Variants in WDR76 observed in about 807,000 individuals in gnomAD.
The protein encoded by WDR76 is WD repeat domain 76, also known as WD repeat-containing protein 76.
Under a neutral mutation model 70.2 loss-of-function variants are expected in WDR76, and 52 were observed. The ratio of observed to expected loss-of-function variants is 0.74; its 90% CI spans 0.59 to 0.93. The LOEUF is 0.93. Ranked by LOEUF, WDR76 falls within the 40% of genes least tolerant of loss-of-function variation. WDR76 has a pLI of 0.00. For missense variants in WDR76, 756 were observed against 760.2 expected (o/e 0.99, Z 0.07); for synonymous variants, 292 against 271.1 (o/e 1.08, Z -0.76).
chr15:43,836,553 C>T (rs531468141), intron 4 of WDR76, among the ~76,000 whole-genome samples: 12 of 152,160 alleles, frequency 7.9e-5, no homozygotes, highest in African/African-American at 1.9e-4. Flanking sequence ...TATCTTTTTG[C>T]GTCTCAATTT....
At chr15:43,853,884 C>A (rs373700679) in intron 9 of WDR76, among the ~76,000 whole-genome samples, 1 of 126,596 alleles carries the variant, frequency 7.9e-6, no homozygotes, top group African/African-American at 2.9e-5. Context: ...CCAGCCTGGG[C>A]GACAGAGCGA....
chr15:43,865,948 C>G (rs1030289414), intron 12 of WDR76, among the ~76,000 whole-genome samples, 180 bp from the exon 13 acceptor site: 1 of 152,194 alleles, frequency 6.6e-6, no homozygotes, highest in South Asian at 2.1e-4. Flanking sequence ...AGGATATCGT[C>G]TCTGTCCAGA....
In WDR76 at chr15:43,866,603, G is replaced by T. The variant is rs2088074940; in HGVS notation, c.*211G>T. On this transcript the variant is annotated 3_prime_UTR_variant, in exon 13 of 13. Transcript: ENST00000263795. ...AGGACGGGGAGGGAATTTGAGGGGA[G>T]GCTGAGGTGCCGTCAGGACTTTTTT... 3.9e-6 allele frequency: 2 copies of T among 508,754 alleles called. No homozygotes were observed. Among genetic ancestry groups the T allele is most frequent in the Non-Finnish European group, 6.7e-6 (2 of 297,970 alleles). 31.5% of individuals were successfully genotyped at this position (508,754 alleles called of 1,614,324 possible).
chr15:43,834,436 G>A (rs1481194397), intron 2 of WDR76, among the ~76,000 whole-genome samples: 1 of 151,016 alleles, frequency 6.6e-6, no homozygotes, highest in African/African-American at 2.4e-5. Context: ...GAGTAGCTGG[G>A]ATTACAGGCT....
intron 2 of WDR76, among the ~76,000 whole-genome samples, chr15:43,830,768 C>T (rs867458191): frequency 8.6e-5 from 13 of 151,880 alleles, no homozygotes; most frequent in African/African-American, 2.7e-4. Flanking sequence ...AAAATTAGGC[C>T]GGCCATGGTG....
At chr15:43,834,238 A>T (rs190694484) in intron 2 of WDR76, among the ~76,000 whole-genome samples, 1 of 151,982 alleles carries the variant, frequency 6.6e-6, no homozygotes, top group Non-Finnish European at 1.5e-5. Context: ...GAGAAAGTAG[A>T]GACATGTACT....
At chr15:43,849,549 T>G (rs1242306873) in intron 8 of WDR76, among the ~76,000 whole-genome samples, 1 of 152,208 alleles carries the variant, frequency 6.6e-6, no homozygotes, top group Non-Finnish European at 1.5e-5. Flanking sequence ...GGAATGATTT[T>G]TTTTTTTGAG....
intron 8 of WDR76, among the ~76,000 whole-genome samples, chr15:43,849,694 C>T (rs1334349121): frequency 6.6e-6 from 1 of 152,108 alleles, no homozygotes; most frequent in African/African-American, 2.4e-5. Context: ...TCTGCCACCA[C>T]GCCCGGCTAA....
Position 43,864,985 on chromosome 15 carries a change from C to T in WDR76, c.1617-1143C>T, listed in dbSNP as rs189717440. 1.4e-4 allele frequency among the ~76,000 whole-genome samples: 21 copies of T among 152,216 alleles called. No individual in the cohort carries two copies. In the East Asian group the frequency reaches 3.3e-3, roughly 24 times the overall value. On this transcript the variant is annotated intron_variant, in intron 12 of 12. Transcript: ENST00000263795. ...TGACACGGGGGCTGGAGTGCAGTGG[C>T]GCGATCTCAGCTCGCTGCAACCTCC...
chr15:43,836,265 G>C (rs752666414), intron 4 of WDR76, 49 bp downstream of exon 4: 1 of 1,557,174 alleles, frequency 6.4e-7, no homozygotes, highest in South Asian at 1.2e-5. Flanking sequence ...TTGCTCAACT[G>C]TTTTATAATT....
At chr15:43,828,730 TTGAC>T (rs1254040514) in intron 2 of WDR76, among the ~76,000 whole-genome samples, 2 of 152,202 alleles carry the variant, frequency 1.3e-5, no homozygotes, top group African/African-American at 2.4e-5. Context: ...GGACATGGTA[TTGAC>T]TGACCTTTGA....
chr15:43,849,943 T>G (rs917188415), intron 8 of WDR76, among the ~76,000 whole-genome samples: 1 of 152,210 alleles, frequency 6.6e-6, no homozygotes, highest in Non-Finnish European at 1.5e-5. Flanking sequence ...TAAACAAATA[T>G]GTCAGTAGTT....
Position 43,828,229 on chromosome 15 carries a change from C to T in WDR76, c.325C>T (p.Leu109=), listed in dbSNP as rs772475839. The change falls in exon 2 of 13, where the codon CTG becomes TTG. Residue 109 remains leucine (L), a synonymous_variant. Coordinates refer to ENST00000263795, the MANE Select transcript of WDR76 (RefSeq NM_024908.4). ...CACATCTTCCAAGGCAGAATCCACG[C>T]TGCAAAATTCATCCTCAGCTGTTCA... ...KNTSSKAEST[L]QNSSSAVHTE... 7 of 1,614,204 alleles carry T rather than the reference C, an allele frequency of 4.3e-6. No individual in the cohort carries two copies. The highest frequency in any genetic ancestry group is 1.7e-6 in the Non-Finnish European group (2 of 1,180,038).
chr15:43,852,618 C>A (rs113221890), intron 9 of WDR76, among the ~76,000 whole-genome samples: 2,070 of 152,228 alleles, frequency 0.014, 59 homozygotes, highest in African/African-American at 0.048. Context: ...AATCCACCTG[C>A]CTCAGCCTCC....
intron 8 of WDR76, among the ~76,000 whole-genome samples, chr15:43,844,437 G>A (rs912870148): frequency 2.0e-5 from 3 of 151,960 alleles, no homozygotes; most frequent in Admixed American, 6.6e-5. Flanking sequence ...GGCCAACATG[G>A]TGAAACCCCG....
rs2087781577 is a variant in WDR76, at chr15:43,845,824, G to A, written c.1032+1770G>A. 3.3e-5 allele frequency among the ~76,000 whole-genome samples: 5 copies of A among 150,362 alleles called. 1 individual carries two copies. Among genetic ancestry groups the A allele is most frequent in the Admixed American group, 3.3e-4 (5 of 15,118 alleles). On this transcript the variant is annotated intron_variant, in intron 8 of 12. Coordinates refer to ENST00000263795, the MANE Select transcript of WDR76 (RefSeq NM_024908.4). Reference sequence around the variant, plus strand: ...AATTTATTTTCTTATTGGGGAAGAAGACCAAAGACATGAAAAATGCCATAA... The same window carrying A: ...AATTTATTTTCTTATTGGGGAAGAAAACCAAAGACATGAAAAATGCCATAA...
At chr15:43,854,089 A>G (rs769815433) in intron 9 of WDR76, among the ~76,000 whole-genome samples, 4 of 152,056 alleles carry the variant, frequency 2.6e-5, no homozygotes, top group Admixed American at 6.6e-5. Flanking sequence ...TGAAACCCTC[A>G]TATTTTGAGA....
At chr15:43,844,758 C>T (rs1029001891) in intron 8 of WDR76, among the ~76,000 whole-genome samples, 13 of 144,832 alleles carry the variant, frequency 9.0e-5, no homozygotes, top group Non-Finnish European at 1.7e-4. Context: ...AAAACCCCAT[C>T]GCTACTAAAA....
At position 43,828,267 on chromosome 15, in the gene WDR76, C is replaced by T. The variant is rs953399111; in HGVS notation, c.363C>T (p.Asn121=). The change falls in exon 2 of 13, where the codon AAC becomes AAT. Residue 121 remains asparagine (N), a synonymous_variant. Coordinates refer to ENST00000263795, the MANE Select transcript of WDR76 (RefSeq NM_024908.4). ...CCTCAGCTGTTCATACTGAAAGTAACAAGCTACAACCCAAGAGAACGGCAG... is the reference window on the plus strand; with the variant it reads ...CCTCAGCTGTTCATACTGAAAGTAATAAGCTACAACCCAAGAGAACGGCAG... The part of the protein sequence containing the change: ...NSSSAVHTES[N]KLQPKRTADA... 1.9e-6 allele frequency: 3 copies of T among 1,614,146 alleles called. No individual in the cohort carries two copies. Among genetic ancestry groups the T allele is most frequent in the Non-Finnish European group, 2.5e-6 (3 of 1,180,032 alleles).
Sources: allele counts gnomAD v4.1 joint callset (sites outside exome capture counted in the v4.1 genomes callset), GRCh38; gene constraint gnomAD v4.1.1; transcripts MANE v1.5; gene names NCBI Gene and HGNC (gene_info 2026-07-23, HGNC 2026-07-21).